CNTN5: variants seen among roughly 807,000 people sequenced by gnomAD.
CNTN5 encodes the protein contactin-5.
Under a neutral mutation model 129.1 loss-of-function variants are expected in CNTN5, and 77 were observed. That is an observed-to-expected ratio of 0.60 (90% confidence interval 0.50 to 0.72). The LOEUF (loss-of-function observed/expected upper bound fraction) is 0.72. Among genes scored for constraint, CNTN5 ranks in the 30% least tolerant of loss-of-function variants. The pLI is 0.00. For missense variants in CNTN5, 1,478 were observed against 1,328.8 expected, an observed-to-expected ratio of 1.11 and a Z score of -1.75; for synonymous variants, 509 against 465.6, an observed-to-expected ratio of 1.09 and a Z score of -1.20.
intron 17 of CNTN5, among the ~76,000 whole-genome samples, chr11:100,259,775 C>T (rs1229365651): frequency 6.6e-6 from 1 of 151,364 alleles, no homozygotes; most frequent in Non-Finnish European, 1.5e-5. Flanking sequence ...ATACTAGAAC[C>T]TCTGGGACAC....
At chr11:99,286,620 T>C (rs1242544259) in intron 1 of CNTN5, among the ~76,000 whole-genome samples, 3 of 152,160 alleles carry the variant, frequency 2.0e-5, no homozygotes, top group African/African-American at 7.2e-5. Flanking sequence ...TCAGTAGATA[T>C]CAAATATAAT....
intron 1 of CNTN5, among the ~76,000 whole-genome samples, chr11:99,098,477 A>G (rs950390769): frequency 2.0e-5 from 3 of 152,058 alleles, no homozygotes; most frequent in Non-Finnish European, 2.9e-5. Flanking sequence ...AGACTTTATG[A>G]TAAGGTCACC....
At chr11:99,764,190 T>G (rs1017472220) in intron 3 of CNTN5, among the ~76,000 whole-genome samples, 1 of 152,046 alleles carries the variant, frequency 6.6e-6, no homozygotes, top group Non-Finnish European at 1.5e-5. Flanking sequence ...AAGGCCTAGA[T>G]GTACAAAACC....
intron 8 of CNTN5, among the ~76,000 whole-genome samples, chr11:99,990,206 C>T (rs1938975923): frequency 6.6e-6 from 1 of 152,024 alleles, no homozygotes; most frequent in African/African-American, 2.4e-5. Context: ...GGTGGAAAGA[C>T]ATGAATATAT....
intron 9 of CNTN5, among the ~76,000 whole-genome samples, chr11:100,036,954 C>A (rs1206401323): frequency 6.7e-6 from 1 of 150,308 alleles, no homozygotes; most frequent in Non-Finnish European, 1.5e-5. Flanking sequence ...ATTGAAGACC[C>A]TTTATTCCCT....
At chr11:99,353,789 C>A (rs1938459475) in intron 2 of CNTN5, among the ~76,000 whole-genome samples, 1 of 152,136 alleles carries the variant, frequency 6.6e-6, no homozygotes, top group South Asian at 2.1e-4. Context: ...TTTAAATAAA[C>A]CTTGTTTGAT....
At chr11:99,237,250 G>A (rs781582447) in intron 1 of CNTN5, among the ~76,000 whole-genome samples, 2 of 151,964 alleles carry the variant, frequency 1.3e-5, no homozygotes, top group Non-Finnish European at 2.9e-5. Context: ...TTCATTTTGT[G>A]TAATAATCTT....
chr11:100,341,145 T>C lies in CNTN5; in HGVS notation c.2970T>C (p.Val990=). ...GGTGGGAGCAGCAAGGCTCTCAGGTTTCTCTGGGCTGGGAACCCGTCATAC... is the reference window on the plus strand; with the variant it reads ...GGTGGGAGCAGCAAGGCTCTCAGGTCTCTCTGGGCTGGGAACCCGTCATAC... ...NLRWEQQGSQ[V]SLGWEPVIPL... Residue 990 remains valine (V), a synonymous_variant, in exon 23 of 25, where the codon GTT becomes GTC. Coordinates refer to ENST00000524871, the MANE Select transcript of CNTN5 (RefSeq NM_014361.4). 6.2e-7 allele frequency: 1 copy of C among 1,613,896 alleles called. No individual in the cohort carries two copies. Among genetic ancestry groups the C allele is most frequent in the Non-Finnish European group, 8.5e-7 (1 of 1,179,806 alleles).
chr11:100,295,031 A>G (rs988369160), intron 18 of CNTN5, among the ~76,000 whole-genome samples: 1 of 151,648 alleles, frequency 6.6e-6, no homozygotes, highest in Non-Finnish European at 1.5e-5. Flanking sequence ...TACAGCCTAA[A>G]GTTTTCCATT....
chr11:99,879,160 A>T (rs1050942438), intron 6 of CNTN5, among the ~76,000 whole-genome samples: 1 of 151,836 alleles, frequency 6.6e-6, no homozygotes, highest in Non-Finnish European at 1.5e-5. Flanking sequence ...CTGGTCTCGA[A>T]CTCTTGACAT....
rs907392345 is a variant in CNTN5, at chr11:99,042,260, C to T, written c.-210+20990C>T. 8.6e-5 allele frequency among the ~76,000 whole-genome samples: 13 copies of T among 151,388 alleles called. No individual in the cohort carries two copies. The East Asian group carries it at 9.7e-4, about 11-fold the overall frequency. On this transcript the variant is annotated intron_variant, in intron 1 of 24. Transcript: ENST00000524871. ...ATTCTGGTGTACATGTGCAGAAATA[C>T]CTAACGTAGATGACGGGTTGATGGG...
chr11:99,361,234 C>T (rs912649828), intron 2 of CNTN5, among the ~76,000 whole-genome samples: 6 of 152,210 alleles, frequency 3.9e-5, no homozygotes, highest in East Asian at 1.9e-4. Flanking sequence ...TTCTTCTGTA[C>T]CCTCACCAGA....
At chr11:100,060,732 C>T (rs369986219) in intron 9 of CNTN5, among the ~76,000 whole-genome samples, 6 of 149,824 alleles carry the variant, frequency 4.0e-5, no homozygotes, top group South Asian at 2.1e-4. Context: ...CTCCGCTTTC[C>T]GGTTTCAAGC....
chr11:99,767,545 C>G (rs1944795389), intron 3 of CNTN5, among the ~76,000 whole-genome samples: 2 of 151,606 alleles, frequency 1.3e-5, no homozygotes, highest in South Asian at 4.2e-4. Context: ...TAGTACATGC[C>G]CACATTTGAT....
intron 6 of CNTN5, among the ~76,000 whole-genome samples, chr11:99,855,169 C>T (rs1190903808): frequency 2.0e-5 from 3 of 151,928 alleles, no homozygotes; most frequent in African/African-American, 4.8e-5. Context: ...ATCAGCCAGA[C>T]GTGGCAGTTT....
chr11:99,467,752 A>G (rs1945001901), intron 2 of CNTN5, among the ~76,000 whole-genome samples: 1 of 152,116 alleles, frequency 6.6e-6, no homozygotes, highest in Admixed American at 6.6e-5. Context: ...AATAGTCACC[A>G]GTTTATATTT....
At chr11:100,338,158 G>C (rs937966070) in intron 21 of CNTN5, among the ~76,000 whole-genome samples, 7 of 152,226 alleles carry the variant, frequency 4.6e-5, no homozygotes, top group Non-Finnish European at 8.8e-5. Context: ...TAAAGGTGTA[G>C]TTGCAATTTG....
intron 3 of CNTN5, among the ~76,000 whole-genome samples, chr11:99,793,389 T>G (rs1330231699): frequency 8.1e-6 from 1 of 124,032 alleles, no homozygotes; most frequent in Non-Finnish European, 1.8e-5. Context: ...AATAATCAGC[T>G]TCTGGGTTTA....
intron 2 of CNTN5, among the ~76,000 whole-genome samples, chr11:99,527,220 T>C (rs1049047698): frequency 6.6e-6 from 1 of 152,214 alleles, no homozygotes; most frequent in Non-Finnish European, 1.5e-5. Flanking sequence ...GCCCTGAGAC[T>C]TCTCTCAAGG....
Sources: gnomAD v4.1 joint callset for allele counts (sites outside exome capture counted in the v4.1 genomes callset) on GRCh38, gnomAD v4.1.1 for gene constraint, MANE v1.5 for transcripts, NCBI Gene and HGNC (gene_info 2026-07-23, HGNC 2026-07-21) for gene names.